ZFHX3: variants seen among roughly 807,000 people sequenced by gnomAD.
The protein encoded by ZFHX3 is zinc finger homeobox protein 3.
ZFHX3 carries 42 observed loss-of-function variants against 279.1 expected under a neutral mutation model. That is an observed-to-expected ratio of 0.15 (90% confidence interval 0.12 to 0.19). The LOEUF (loss-of-function observed/expected upper bound fraction) is 0.19. Among genes scored for constraint, ZFHX3 ranks in the 10% least tolerant of loss-of-function variants. The probability of loss-of-function intolerance (pLI) is 1.00; values close to 1 mark genes in which losing one functional copy is unlikely to be tolerated. For synonymous variants in ZFHX3, 2,293 were observed against 1,957.8 expected (o/e 1.17, Z -4.52); for missense variants, 4,981 against 4,754.0 (o/e 1.05, Z -1.40).
chr16:73,591,715 A>G (rs1008048440), intron 2 of ZFHX3, among the ~76,000 whole-genome samples: 3 of 142,422 alleles, frequency 2.1e-5, no homozygotes, highest in African/African-American at 7.5e-5. Flanking sequence ...AAAAAAAAAA[A>G]AAAGAAAAGA....
intron 8 of ZFHX3, chr16:73,093,103 T>C (rs779408335): frequency 3.8e-6 from 2 of 520,068 alleles, no homozygotes; most frequent in African/African-American, 1.9e-5. Flanking sequence ...TCTTCAGCAA[T>C]GGATCAAAGA....
At chr16:72,969,350 C>G (rs530289823) in intron 1 of ZFHX3, among the ~76,000 whole-genome samples, 4 of 152,212 alleles carry the variant, frequency 2.6e-5, no homozygotes, top group Non-Finnish European at 4.4e-5. Context: ...AATGGCCATT[C>G]CAACTTGGGC....
intron 1 of ZFHX3, among the ~76,000 whole-genome samples, chr16:73,786,906 G>T (rs2142310221): frequency 6.6e-6 from 1 of 152,286 alleles, no homozygotes; most frequent in Non-Finnish European, 1.5e-5. Context: ...AGGTTTTCAT[G>T]TTCCAGCACC....
intron 1 of ZFHX3, among the ~76,000 whole-genome samples, chr16:73,718,860 C>T (rs529492070): frequency 2.6e-5 from 4 of 152,202 alleles, no homozygotes; most frequent in South Asian, 2.1e-4. Flanking sequence ...GTGATCTGCC[C>T]GCCTCGACCT....
At chr16:73,558,025 C>T (rs890860558) in intron 2 of ZFHX3, among the ~76,000 whole-genome samples, 6 of 152,110 alleles carry the variant, frequency 3.9e-5, no homozygotes, top group African/African-American at 7.2e-5. Flanking sequence ...ACAGGGGTCC[C>T]GAATGGGCCT....
intron 1 of ZFHX3, among the ~76,000 whole-genome samples, chr16:73,884,584 T>C (rs2030286479): frequency 6.6e-6 from 1 of 152,192 alleles, no homozygotes; most frequent in African/African-American, 2.4e-5. Context: ...ACCAGTGGTG[T>C]TTCCAACCAC....
intron 3 of ZFHX3, among the ~76,000 whole-genome samples, chr16:73,336,118 G>A (rs1290665981): frequency 2.0e-5 from 3 of 152,182 alleles, no homozygotes; most frequent in Non-Finnish European, 2.9e-5. Context: ...TATCTGGGGC[G>A]GCAGGTGCAG....
chr16:73,832,843 G>A (rs1961034382), intron 1 of ZFHX3, among the ~76,000 whole-genome samples: 1 of 152,076 alleles, frequency 6.6e-6, no homozygotes, highest in South Asian at 2.1e-4. Context: ...AATATTACTA[G>A]ATTTTTTTCT....
In ZFHX3 at chr16:72,796,495, C is replaced by A; in HGVS notation, c.6187G>T (p.Ala2063Ser). ...ATGGGTGGGGCTGATGCGGGGATGG[C>A]TGGTGTGGACGCCGGCTGAGGCGGC... ...AAPPQPASTP[A>S]IPASAPPITS... Residue 2063 changes from alanine (A) to serine (S), a missense_variant, in exon 9 of 10, where the codon GCC becomes TCC. This residue lies in a region of ZFHX3 where 1,751 missense variants were observed against 1,770.0 expected (regional missense o/e 0.99). Coordinates refer to ENST00000268489, the MANE Select transcript of ZFHX3 (RefSeq NM_006885.4). The A allele has an allele frequency of 7.5e-7, 1 of 1,327,946 alleles. No individual in the cohort carries two copies. Among genetic ancestry groups the A allele is most frequent in the Non-Finnish European group, 9.9e-7 (1 of 1,010,918 alleles). 82.3% of individuals were successfully genotyped at this position (1,327,946 alleles called of 1,614,324 possible). A position where few individuals can be genotyped will look rare whatever the true frequency, so the allele number is the denominator to read the frequency against.
At chr16:73,242,055 A>T (rs544361442) in intron 5 of ZFHX3, among the ~76,000 whole-genome samples, 1 of 152,192 alleles carries the variant, frequency 6.6e-6, no homozygotes, top group Non-Finnish European at 1.5e-5. Flanking sequence ...AAAGTTGGTA[A>T]TCATTGCTTT....
At position 72,800,331 on chromosome 16, in the gene ZFHX3, A is replaced by G. The variant is rs113834695; in HGVS notation, c.3865-202T>C. On this transcript the variant is annotated intron_variant, in intron 7 of 9. Coordinates refer to ENST00000268489, the MANE Select transcript of ZFHX3 (RefSeq NM_006885.4). ...GTGTTTCTACGGTTACATTCTGGACATAATTAGCAGTGCACACTTGAAGAA... is the reference window on the plus strand; with the variant it reads ...GTGTTTCTACGGTTACATTCTGGACGTAATTAGCAGTGCACACTTGAAGAA... 3.8e-4 allele frequency among the ~76,000 whole-genome samples: 58 copies of G among 152,384 alleles called. 2 individuals carry two copies. The highest frequency in any genetic ancestry group is 3.4e-3 in the Middle Eastern group (1 of 294).
chr16:72,979,766 A>G (rs998423690), intron 1 of ZFHX3, among the ~76,000 whole-genome samples: 3 of 152,172 alleles, frequency 2.0e-5, no homozygotes, highest in Admixed American at 2.0e-4. Flanking sequence ...AAGAAAGAAA[A>G]AACAAAACTG....
chr16:73,665,581 T>C (rs7194090), intron 2 of ZFHX3, among the ~76,000 whole-genome samples: 133,152 of 151,696 alleles, frequency 0.88, 58,696 homozygotes, highest in East Asian at 0.98. Context: ...CCCAGGGTGA[T>C]ACAGAGATTG....
In ZFHX3 at chr16:73,533,104, C is replaced by G. The variant is rs373760226; in HGVS notation, c.-1546-76846G>C. 5.6e-4 allele frequency among the ~76,000 whole-genome samples: 85 copies of G among 152,198 alleles called. No individual in the cohort carries two copies. The East Asian group carries it at 0.014, about 26-fold the overall frequency. On this transcript the variant is annotated intron_variant, in intron 2 of 17. Transcript: ENST00000641206. Reference sequence around the variant, plus strand: ...GATCTCAAATGCGCTGTTACGCTGCCAGGCCATCAGTGTGCTTATCTATCC... The same window carrying G: ...GATCTCAAATGCGCTGTTACGCTGCGAGGCCATCAGTGTGCTTATCTATCC...
chr16:73,469,708 C>T (rs2018632324), intron 2 of ZFHX3, among the ~76,000 whole-genome samples: 1 of 152,042 alleles, frequency 6.6e-6, no homozygotes, highest in Non-Finnish European at 1.5e-5. Flanking sequence ...ACCTCTGCTG[C>T]CCAGGTTCAA....
rs74448553 is a variant in ZFHX3, at chr16:73,686,383, C to A, written c.-1607-6143G>T. Among the ~76,000 whole-genome samples, 172 of 152,296 alleles carry A rather than the reference C, an allele frequency of 1.1e-3. 2 individuals carry two copies. The highest frequency in any genetic ancestry group is 6.8e-3 in the Middle Eastern group (2 of 294). ...TGCTGGGATAAGGCGTGAGCCACCACGCCTGGTCATATTCAGACATTTCTA... is the reference window on the plus strand; with the variant it reads ...TGCTGGGATAAGGCGTGAGCCACCAAGCCTGGTCATATTCAGACATTTCTA... On this transcript the variant is annotated intron_variant, in intron 1 of 17. Transcript: ENST00000641206.
At chr16:73,720,529 A>G (rs2053464397) in intron 1 of ZFHX3, among the ~76,000 whole-genome samples, 1 of 152,188 alleles carries the variant, frequency 6.6e-6, no homozygotes, top group Non-Finnish European at 1.5e-5. Flanking sequence ...GTATTTATTG[A>G]TGCAGGAAAA....
rs139516487 is a variant in ZFHX3 at position 73,862,281 on chromosome 16, A to T, written c.-1608+29370T>A. On this transcript the variant is annotated intron_variant, in intron 1 of 17. Coordinates refer to the ZFHX3 transcript ENST00000641206. ...TCTCACTGATTATAGGAGCTACCATATCCTTTAATAAGTCCCCTTTGGTTT... is the reference window on the plus strand; with the variant it reads ...TCTCACTGATTATAGGAGCTACCATTTCCTTTAATAAGTCCCCTTTGGTTT... Among the ~76,000 whole-genome samples, 539 of 152,284 alleles carry T rather than the reference A, an allele frequency of 3.5e-3. 4 individuals are homozygous for T. Among genetic ancestry groups the T allele is most frequent in the African/African-American group, 0.012 (508 of 41,558 alleles).
intron 2 of ZFHX3, among the ~76,000 whole-genome samples, chr16:73,582,456 G>A (rs2051872094): frequency 6.6e-6 from 1 of 151,638 alleles, no homozygotes; most frequent in Non-Finnish European, 1.5e-5. Context: ...AAAAAATTAA[G>A]CCTAAATCTA....
Sources: gnomAD v4.1 joint callset for allele counts (sites outside exome capture counted in the v4.1 genomes callset) on GRCh38, gnomAD v4.1.1 for gene constraint, gnomAD v4.1.1 regional missense constraint, MANE v1.5 for transcripts, NCBI Gene and HGNC (gene_info 2026-07-23, HGNC 2026-07-21) for gene names.